The following ERMARD variants were observed in gnomAD, a reference collection of about 807,000 sequenced individuals.
ERMARD encodes ER membrane associated RNA degradation.
In ERMARD, 71 loss-of-function variants were observed where a neutral mutation model predicts 83.9. That is an observed-to-expected ratio of 0.85 (90% CI 0.70 to 1.03). The LOEUF is 1.03. Ranked by LOEUF, ERMARD falls within the 50% of genes least tolerant of loss-of-function variation. The pLI is 0.00. For synonymous variants in ERMARD, 284 were observed against 298.6 expected, an observed-to-expected ratio of 0.95 and a Z score of 0.50; for missense variants, 838 against 810.9, an observed-to-expected ratio of 1.03 and a Z score of -0.41.
chr6:169,758,086 A>G (rs778961633), intron 5 of ERMARD, among the ~76,000 whole-genome samples: 3 of 152,194 alleles, frequency 2.0e-5, no homozygotes, highest in Non-Finnish European at 4.4e-5. Flanking sequence ...AAATGTTCCA[A>G]CATTCAGTAG....
chr6:169,769,426 C>A, intron 11 of ERMARD, 114 bp from the exon 12 acceptor site: 1 of 976,326 alleles, frequency 1.0e-6, no homozygotes, highest in Non-Finnish European at 1.5e-6. Context: ...CAGAGTCCCA[C>A]CCAGGGCTTC....
intron 12 of ERMARD, among the ~76,000 whole-genome samples, chr6:169,770,219 T>A (rs1792736387): frequency 6.6e-6 from 1 of 152,240 alleles, no homozygotes; most frequent in Non-Finnish European, 1.5e-5. Flanking sequence ...GAAAAATTAA[T>A]GTGAAAAGTA....
At position 169,761,663 on chromosome 6, in the gene ERMARD, A is replaced by C. The variant is rs563558458; in HGVS notation, c.858-766A>C. ...CACTAGTTAGTGAAACTTTTGTTCT[A>C]TGTGTAAGTGGTTTTGTTTTGTTTT... On this transcript the variant is annotated intron_variant, in intron 8 of 17. Coordinates refer to ENST00000366773, the MANE Select transcript of ERMARD (RefSeq NM_018341.3). Among the ~76,000 whole-genome samples the C allele has an allele frequency of 1.1e-3, 117 of 110,472 alleles. 1 individual carries two copies. Among genetic ancestry groups the C allele is most frequent in the Non-Finnish European group, 1.7e-3 (97 of 56,214 alleles). 72.5% of individuals were successfully genotyped at this position (110,472 alleles called of 152,430 possible). A position where few individuals can be genotyped will look rare whatever the true frequency, so the allele number is the denominator to read the frequency against.
At chr6:169,781,058 C>T (rs1351880382) in intron 17 of ERMARD, among the ~76,000 whole-genome samples, 3 of 152,132 alleles carry the variant, frequency 2.0e-5, no homozygotes, top group Non-Finnish European at 2.9e-5. Flanking sequence ...GAATGACGGC[C>T]GTCATGTCTG....
Position 169,776,539 on chromosome 6 carries a change from G to T in ERMARD, c.1605G>T (p.Val535=), listed in dbSNP as rs1419086831. ...GGATTGTGCTGGAAGTGCTGGTTGT[G>T]CTCCGAAGCATCAGCGAACAGTGCC... The part of the protein sequence containing the change: ...CPRIVLEVLV[V]LRSISEQCRR... The change falls in exon 16 of 18, where the codon GTG becomes GTT. Residue 535 remains valine, a synonymous_variant. Coordinates refer to ENST00000366773, the MANE Select transcript of ERMARD (RefSeq NM_018341.3). 5 of 1,614,194 alleles carry T rather than the reference G, an allele frequency of 3.1e-6. No individual in the cohort carries two copies. Among genetic ancestry groups the T allele is most frequent in the East Asian group, 2.2e-5 (1 of 44,880 alleles).
Position 169,776,617 on chromosome 6 carries a change from G to A in ERMARD, c.1683G>A (p.Trp561Ter). 6.2e-7 allele frequency: 1 copy of A among 1,614,238 alleles called. No homozygotes were observed. Among genetic ancestry groups the A allele is most frequent in the Admixed American group, 1.7e-5 (1 of 60,030 alleles). ...TVASELRHRQ[W>*]VERTLRSRQR... ...CCTCAGAGCTGAGACACAGGCAGTG[G>A]GTGGAAAGGACGCTGCGGTCTCGCC... Residue 561 changes from tryptophan to a stop codon, truncating the protein, a stop_gained, in exon 16 of 18, where the codon TGG (tryptophan) becomes TGA (stop). Coordinates refer to ENST00000366773, the MANE Select transcript of ERMARD (RefSeq NM_018341.3). LOFTEE classifies it high-confidence loss of function.
intron 5 of ERMARD, among the ~76,000 whole-genome samples, chr6:169,757,089 A>G (rs1375437669): frequency 6.6e-6 from 1 of 152,220 alleles, no homozygotes. Flanking sequence ...ACCGGTCCCC[A>G]TGATTCAGCT....
rs752595875 is a variant in ERMARD, at chr6:169,776,608, C to T, written c.1674C>T (p.His558=). The change falls in exon 16 of 18, where the codon CAC becomes CAT. Residue 558 remains histidine (H), a synonymous_variant. Transcript: ENST00000366773. ...SQVTVASELR[H]RQWVERTLRS... ...TCACCGTTGCCTCAGAGCTGAGACA[C>T]AGGCAGTGGGTGGAAAGGACGCTGC... 1.3e-5 allele frequency: 21 copies of T among 1,614,126 alleles called. No individual in the cohort carries two copies. In the Admixed American group the frequency reaches 3.5e-4, roughly 27 times the overall value.
rs60417475 is a variant in ERMARD at position 169,772,770 on chromosome 6, CAAAAAA to C, written c.1234-531_1234-526del. Reference sequence around the variant, plus strand: ...GGGCAAAAACAGTGAGACTCTGTCTCAAAAAAAAAAAAAAAAAAAAAAATTGTAGGT... The same window carrying C: ...GGGCAAAAACAGTGAGACTCTGTCTCAAAAAAAAAAAAAAAAATTGTAGGT... On this transcript the variant is annotated intron_variant, in intron 12 of 17. Transcript: ENST00000366773. Among the ~76,000 whole-genome samples the C allele has an allele frequency of 6.0e-5, 6 of 100,154 alleles. No individual in the cohort carries two copies. The South Asian group carries it at 9.7e-4, about 16-fold the overall frequency. 65.7% of individuals were successfully genotyped at this position (100,154 alleles called of 152,430 possible). A position where few individuals can be genotyped will look rare whatever the true frequency, so the allele number is the denominator to read the frequency against.
At chr6:169,764,939 C>T (rs1792012844) in intron 9 of ERMARD, among the ~76,000 whole-genome samples, 1 of 152,224 alleles carries the variant, frequency 6.6e-6, no homozygotes, top group African/African-American at 2.4e-5. Context: ...GGAGGCAGTC[C>T]TGCTTTGCCT....
Position 169,756,783 on chromosome 6 carries a change from T to C in ERMARD, c.482T>C (p.Leu161Pro). 1.9e-6 allele frequency: 3 copies of C among 1,614,106 alleles called. No individual in the cohort carries two copies. The highest frequency in any genetic ancestry group is 2.5e-6 in the Non-Finnish European group (3 of 1,180,040). ...LLRDLLSSEE[L>P]AQVFSQSVMN... ...AGAGATCTGCTTTCATCTGAGGAGC[T>C]TGCTCAAGTCTTCAGTCAGTCTGTG... Residue 161 changes from leucine (L) to proline (P), a missense_variant, in exon 5 of 18, where the codon CTT (leucine) becomes CCT (proline). Coordinates refer to ENST00000366773, the MANE Select transcript of ERMARD (RefSeq NM_018341.3).
chr6:169,780,803 T>C (rs1244412395), intron 17 of ERMARD, among the ~76,000 whole-genome samples: 1 of 152,250 alleles, frequency 6.6e-6, no homozygotes, highest in Non-Finnish European at 1.5e-5. Context: ...GCTCTGCGTC[T>C]CTTGCAAACA....
Position 169,776,530 on chromosome 6 carries a change from G to T in ERMARD, c.1596G>T (p.Val532=). ...TCTGCCCCAGGATTGTGCTGGAAGT[G>T]CTGGTTGTGCTCCGAAGCATCAGCG... ...TLFCPRIVLE[V]LVVLRSISEQ... The change falls in exon 16 of 18, where the codon GTG becomes GTT. Residue 532 remains valine, a synonymous_variant. Transcript: ENST00000366773. 1 of 1,614,200 alleles carries T rather than the reference G, an allele frequency of 6.2e-7. No homozygotes were observed. The highest frequency in any genetic ancestry group is 1.1e-5 in the South Asian group (1 of 91,078).
rs924777692 is a variant in ERMARD, at chr6:169,767,799, A to T, written c.991-304A>T. The stretch of plus-strand genomic sequence containing the variant: ...CACACACAGGCACAGTTGCATATAA[A>T]CACACAAATGTACACACCCCCACAC... On this transcript the variant is annotated intron_variant, in intron 10 of 17. Transcript: ENST00000366773. 12 of 386,028 alleles carry T rather than the reference A, an allele frequency of 3.1e-5. No individual in the cohort carries two copies. The East Asian group carries it at 5.5e-4, about 18-fold the overall frequency. The allele number at this position is 386,028 out of a possible 1,614,324, so 23.9% of individuals were successfully genotyped here.
intron 10 of ERMARD, 44 bp from the exon 11 acceptor site, chr6:169,768,059 G>T (rs753916210): frequency 1.5e-5 from 22 of 1,500,848 alleles, no homozygotes; most frequent in Admixed American, 1.3e-4. Context: ...GTATGTTTAT[G>T]TATGGGGACC....
In ERMARD at chr6:169,781,316, T is replaced by A. The variant is rs1329673266; in HGVS notation, c.1854-14T>A. ...ATAATGGAATGGATAAAGAAATTAA[T>A]TTTTTTTTTACAGGTTTGTAAAGTC... On this transcript the variant is annotated splice_polypyrimidine_tract_variant and intron_variant, in intron 17 of 17. Coordinates refer to ENST00000366773, the MANE Select transcript of ERMARD (RefSeq NM_018341.3). The A allele has an allele frequency of 2.1e-6, 3 of 1,459,718 alleles. No homozygotes were observed. Among genetic ancestry groups the A allele is most frequent in the South Asian group, 2.7e-5 (2 of 74,220 alleles). 90.4% of individuals were successfully genotyped at this position (1,459,718 alleles called of 1,614,324 possible).
In ERMARD at chr6:169,754,019, C is replaced by G. The variant is rs1790483573; in HGVS notation, c.162C>G (p.Ser54Arg). 10 of 1,611,548 alleles carry G rather than the reference C, an allele frequency of 6.2e-6. No individual in the cohort carries two copies. Among genetic ancestry groups the G allele is most frequent in the Non-Finnish European group, 8.5e-6 (10 of 1,178,434 alleles). Residue 54 changes from serine to arginine, a missense_variant, in exon 2 of 18, where the codon AGC (serine) becomes AGG (arginine). By Grantham distance (110) the Ser-to-Arg change is moderately radical. Transcript: ENST00000366773. ...VCWKTITDCV[S>R]YTESEQGLDY... ...GGAAAACAATCACAGACTGTGTGAG[C>G]TACACAGAGTCAGGTTTGTGCTGTC...
At chr6:169,760,549 G>T in intron 7 of ERMARD, 93 bp from the exon 8 acceptor site, 3 of 856,014 alleles carry the variant, frequency 3.5e-6, no homozygotes, top group East Asian at 2.7e-5. Flanking sequence ...CCACCTAAAG[G>T]GGTTGGCTCA....
At chr6:169,778,605 C>T (rs74697410) in intron 16 of ERMARD, among the ~76,000 whole-genome samples, 11,232 of 152,194 alleles carry the variant, frequency 0.074, 499 homozygotes, top group Non-Finnish European at 0.099. Flanking sequence ...CGCTGGATTC[C>T]CCTCCAGAAA....
Sources: gnomAD v4.1 joint callset for allele counts (sites outside exome capture counted in the v4.1 genomes callset) on GRCh38, gnomAD v4.1.1 for gene constraint, MANE v1.5 for transcripts, NCBI Gene and HGNC (gene_info 2026-07-23, HGNC 2026-07-21) for gene names.